Variants in KCNH5 observed in about 807,000 individuals in gnomAD.
KCNH5 encodes the protein potassium voltage-gated channel subfamily H member 5.
A neutral mutation model predicts 96.1 loss-of-function variants in KCNH5; 46 were observed. The ratio of observed to expected loss-of-function variants is 0.48; its 90% CI spans 0.38 to 0.61. The LOEUF (loss-of-function observed/expected upper bound fraction) is 0.61. KCNH5 is among the 20% of genes least tolerant of loss of function. The pLI, the probability that KCNH5 is intolerant of heterozygous loss-of-function variation, is 0.00. For missense variants in KCNH5, 907 were observed against 1,225.8 expected (o/e 0.74, Z 3.88); for synonymous variants, 439 against 449.8 (o/e 0.98, Z 0.30).
At chr14:62,998,136 A>G (rs1000611688) in intron 4 of KCNH5, among the ~76,000 whole-genome samples, 2 of 152,090 alleles carry the variant, frequency 1.3e-5, no homozygotes, top group African/African-American at 4.8e-5. Context: ...TTGGAAGATT[A>G]TTAATTATTG....
At chr14:62,752,518 C>T (rs1405695332) in intron 10 of KCNH5, among the ~76,000 whole-genome samples, 3 of 151,942 alleles carry the variant, frequency 2.0e-5, no homozygotes, top group Non-Finnish European at 2.9e-5. Context: ...GCAGCATTCA[C>T]CACAAGCTGA....
At position 63,006,576 on chromosome 14, in the gene KCNH5, A is replaced by AGG. The variant is rs1891132597; in HGVS notation, c.198-105_198-104insCC. The AGG allele has an allele frequency of 1.2e-5, 8 of 673,836 alleles. No homozygotes were observed. In the Admixed American group the frequency reaches 1.8e-4, roughly 15 times the overall value. 41.7% of individuals were successfully genotyped at this position (673,836 alleles called of 1,614,324 possible). On this transcript the variant is annotated intron_variant, in intron 2 of 10. Transcript: ENST00000322893. ...TTGACTAGTCAAATGTGGCTAGAAAATATAATATTGCTCCTACACAGAATA... is the reference window on the plus strand; with the variant it reads ...TTGACTAGTCAAATGTGGCTAGAAAAGGTATAATATTGCTCCTACACAGAATA...
intron 7 of KCNH5, among the ~76,000 whole-genome samples, chr14:62,865,326 T>C (rs1888112632): frequency 8.5e-6 from 1 of 118,168 alleles, no homozygotes; most frequent in African/African-American, 3.2e-5. Context: ...AAGGGTAAAA[T>C]GCTATTTAAA....
intron 7 of KCNH5, among the ~76,000 whole-genome samples, chr14:62,924,349 G>A (rs538607880): frequency 4.0e-5 from 6 of 151,816 alleles, no homozygotes; most frequent in Non-Finnish European, 2.9e-5. Context: ...GAAGAAAAGG[G>A]ACCACTTATA....
intron 10 of KCNH5, among the ~76,000 whole-genome samples, chr14:62,753,347 T>C (rs1338483277): frequency 6.6e-6 from 1 of 152,042 alleles, no homozygotes; most frequent in Non-Finnish European, 1.5e-5. Context: ...ACTAAAGTTC[T>C]GGAAAATAGC....
chr14:62,815,088 C>G (rs867046132), intron 8 of KCNH5, among the ~76,000 whole-genome samples: 2 of 151,950 alleles, frequency 1.3e-5, no homozygotes, highest in African/African-American at 4.8e-5. Context: ...CATAATGAAC[C>G]GCTATTCAGC....
Position 62,701,723 on chromosome 14 carries a change from T to G in KCNH5, c.*5785A>C, listed in dbSNP as rs1300812981. 1.3e-5 allele frequency: 2 copies of G among 152,096 alleles called. No individual in the cohort carries two copies. Among genetic ancestry groups the G allele is most frequent in the Non-Finnish European group, 2.9e-5 (2 of 67,968 alleles). The allele number at this position is 152,096 out of a possible 1,614,324, so 9.4% of individuals were successfully genotyped here. A position where few individuals can be genotyped will look rare whatever the true frequency, so the allele number is the denominator to read the frequency against. ...TTTTTTTCTCCTTATCTCAAGACACTTGCTTTAGAAATCTCAAAGGGTAGA... is the reference window on the plus strand; with the variant it reads ...TTTTTTTCTCCTTATCTCAAGACACGTGCTTTAGAAATCTCAAAGGGTAGA... On this transcript the variant is annotated 3_prime_UTR_variant, in exon 11 of 11. Coordinates refer to ENST00000322893, the MANE Select transcript of KCNH5 (RefSeq NM_139318.5).
chr14:62,841,383 A>C (rs1239772228), intron 8 of KCNH5, among the ~76,000 whole-genome samples: 1 of 152,216 alleles, frequency 6.6e-6, no homozygotes, highest in African/African-American at 2.4e-5. Flanking sequence ...GAAGTTTGAA[A>C]ACAGATCAAT....
At chr14:62,923,736 T>C (rs1045545880) in intron 7 of KCNH5, among the ~76,000 whole-genome samples, 2 of 151,940 alleles carry the variant, frequency 1.3e-5, no homozygotes, top group African/African-American at 4.8e-5. Context: ...GTATCTTCAA[T>C]AAATTGTTTT....
chr14:62,861,196 T>A (rs556724558), intron 7 of KCNH5, among the ~76,000 whole-genome samples: 1 of 152,294 alleles, frequency 6.6e-6, no homozygotes, highest in Admixed American at 6.5e-5. Flanking sequence ...GAACACCAAC[T>A]TGGAAAAGAT....
intron 7 of KCNH5, among the ~76,000 whole-genome samples, chr14:62,922,834 CATT>C (rs767014695): frequency 9.9e-5 from 15 of 152,084 alleles, no homozygotes; most frequent in South Asian, 6.2e-4. Context: ...CCACAGCTAA[CATT>C]ATATTCAACG....
At chr14:62,889,395 A>T (rs1035849824) in intron 7 of KCNH5, among the ~76,000 whole-genome samples, 3 of 152,174 alleles carry the variant, frequency 2.0e-5, no homozygotes, top group African/African-American at 7.2e-5. Flanking sequence ...AAAAGCAGAG[A>T]CTGCACCAAA....
At chr14:62,843,805 C>T (rs10136167) in intron 8 of KCNH5, among the ~76,000 whole-genome samples, 15,259 of 151,954 alleles carry the variant, frequency 0.1, 1,060 homozygotes, top group East Asian at 0.3. Context: ...TATACCATCA[C>T]GGGAACCTCT....
chr14:62,976,837 A>T (rs1890509560), intron 6 of KCNH5, among the ~76,000 whole-genome samples: 1 of 152,218 alleles, frequency 6.6e-6, no homozygotes, highest in Non-Finnish European at 1.5e-5. Context: ...AATCAGGTGA[A>T]AGAGTAAAGA....
intron 1 of KCNH5, among the ~76,000 whole-genome samples, chr14:63,025,726 A>T (rs544608866): frequency 3.3e-5 from 5 of 152,168 alleles, no homozygotes; most frequent in African/African-American, 1.2e-4. Flanking sequence ...GACACAAATA[A>T]AAGGAAATAT....
intron 2 of KCNH5, among the ~76,000 whole-genome samples, chr14:63,007,804 T>A (rs762026829): frequency 1.8e-4 from 28 of 152,178 alleles, no homozygotes; most frequent in Admixed American, 2.0e-4. Flanking sequence ...GAAGGAATCA[T>A]ACATTATTAC....
intron 6 of KCNH5, among the ~76,000 whole-genome samples, chr14:62,952,742 C>A (rs912171695): frequency 2.6e-5 from 4 of 152,054 alleles, no homozygotes; most frequent in Non-Finnish European, 4.4e-5. Context: ...CCAACACAAA[C>A]CCCAACTAGA....
chr14:62,949,032 G>A (rs1163761263), intron 7 of KCNH5, among the ~76,000 whole-genome samples: 1 of 151,038 alleles, frequency 6.6e-6, no homozygotes, highest in Admixed American at 6.6e-5. Flanking sequence ...AGCTATCTAT[G>A]ACAAACCCAC....
At chr14:62,725,116 A>G (rs1019474064) in intron 10 of KCNH5, among the ~76,000 whole-genome samples, 8 of 152,180 alleles carry the variant, frequency 5.3e-5, no homozygotes, top group African/African-American at 1.9e-4. Context: ...ACCAAATCCA[A>G]CGTTTAAAAA....
Sources: gnomAD v4.1 joint callset for allele counts (sites outside exome capture counted in the v4.1 genomes callset) on GRCh38, gnomAD v4.1.1 for gene constraint, MANE v1.5 for transcripts, NCBI Gene and HGNC (gene_info 2026-07-23, HGNC 2026-07-21) for gene names.